Variants in CNTLN observed in about 807,000 individuals in gnomAD.
The protein encoded by CNTLN is centlein.
CNTLN carries 212 observed loss-of-function variants against 180.0 expected under a neutral mutation model. That is an observed-to-expected ratio of 1.18 (90% CI 1.05 to 1.32). The LOEUF (loss-of-function observed/expected upper bound fraction) is 1.32, where lower values mean the gene tolerates loss of function less well. CNTLN is among the 40% of genes most tolerant of loss of function. CNTLN has a pLI of 0.00. For missense variants in CNTLN, 2,095 were observed against 1,610.9 expected (o/e 1.30, Z -5.14); for synonymous variants, 722 against 563.1 (o/e 1.28, Z -3.99).
rs114571909 is a variant in CNTLN, at chr9:17,384,616, A to G, written c.1988-3546A>G. Among the ~76,000 whole-genome samples the G allele has an allele frequency of 4.3e-3, 653 of 152,248 alleles. 3 individuals are homozygous for G. Among genetic ancestry groups the G allele is most frequent in the African/African-American group, 0.014 (588 of 41,550 alleles). On this transcript the variant is annotated intron_variant, in intron 13 of 25. Coordinates refer to ENST00000380647, the MANE Select transcript of CNTLN (RefSeq NM_017738.4). ...ATGGGACTTCAGTTTTCATTGGCTTATGGTTACTTCTCGGAGGAGATGGGT... is the reference window on the plus strand; with the variant it reads ...ATGGGACTTCAGTTTTCATTGGCTTGTGGTTACTTCTCGGAGGAGATGGGT...
chr9:17,195,422 T>G (rs1215547230), intron 2 of CNTLN, among the ~76,000 whole-genome samples: 1 of 151,746 alleles, frequency 6.6e-6, no homozygotes, highest in Non-Finnish European at 1.5e-5. Context: ...AAGACTATTG[T>G]TTTTTTCCTT....
intron 8 of CNTLN, among the ~76,000 whole-genome samples, chr9:17,319,844 C>T (rs1214476774): frequency 6.6e-6 from 1 of 151,846 alleles, no homozygotes; most frequent in Non-Finnish European, 1.5e-5. Context: ...CCTATCTCAA[C>T]TTGTAATCCA....
At chr9:17,198,312 G>C (rs568771604) in intron 2 of CNTLN, among the ~76,000 whole-genome samples, 16 of 151,058 alleles carry the variant, frequency 1.1e-4, no homozygotes, top group African/African-American at 3.6e-4. Flanking sequence ...TGAATCTGTA[G>C]ATGGCTTTGG....
chr9:17,273,523 C>T (rs1828087066), intron 5 of CNTLN, among the ~76,000 whole-genome samples: 1 of 151,994 alleles, frequency 6.6e-6, no homozygotes, highest in Non-Finnish European at 1.5e-5. Context: ...TTAACTTTTA[C>T]ACCAAGAGGC....
At chr9:17,393,709 A>G (rs1429286432) in intron 14 of CNTLN, among the ~76,000 whole-genome samples, 2 of 152,214 alleles carry the variant, frequency 1.3e-5, no homozygotes, top group Non-Finnish European at 2.9e-5. Context: ...TGTACTTTAC[A>G]AACAATAACA....
At chr9:17,208,359 G>C (rs931924223) in intron 2 of CNTLN, among the ~76,000 whole-genome samples, 2 of 152,090 alleles carry the variant, frequency 1.3e-5, no homozygotes, top group African/African-American at 2.4e-5. Context: ...ATGTGTTGTT[G>C]AATTTGGTTT....
chr9:17,295,824 A>G (rs1287805538), intron 6 of CNTLN, among the ~76,000 whole-genome samples: 2 of 152,110 alleles, frequency 1.3e-5, no homozygotes, highest in South Asian at 2.1e-4. Context: ...ACATATCTAC[A>G]TAGTATAAGA....
intron 7 of CNTLN, among the ~76,000 whole-genome samples, chr9:17,306,578 A>G (rs534367440): frequency 9.8e-5 from 15 of 152,342 alleles, no homozygotes; most frequent in South Asian, 6.2e-4. Context: ...GTGACACCCA[A>G]GAGTAGGGTA....
intron 7 of CNTLN, among the ~76,000 whole-genome samples, chr9:17,304,928 G>A (rs1587592346): frequency 6.6e-6 from 1 of 151,934 alleles, no homozygotes; most frequent in Non-Finnish European, 1.5e-5. Context: ...ATTCACTTGG[G>A]TCCTGGAAAC....
rs1324118310 is a variant in CNTLN, at chr9:17,466,876, C to A, written c.3840C>A (p.Phe1280Leu). ...TAGCCAATGAAAAAGTAGAAGAGTT[C>A]ACCACATTTGTGAAGGTTTGAATTA... The part of the protein sequence containing the change: ...LLLANEKVEE[F>L]TTFVKALAKE... The change falls in exon 23 of 26, where the codon TTC (phenylalanine) becomes TTA (leucine). Residue 1280 changes from phenylalanine to leucine, a missense_variant. Transcript: ENST00000380647. The A allele has an allele frequency of 6.2e-7, 1 of 1,608,444 alleles. No homozygotes were observed. The highest frequency in any genetic ancestry group is 1.3e-5 in the African/African-American group (1 of 74,488).
At chr9:17,446,850 A>G (rs1036421846) in intron 18 of CNTLN, among the ~76,000 whole-genome samples, 1 of 152,236 alleles carries the variant, frequency 6.6e-6, no homozygotes, top group African/African-American at 2.4e-5. Flanking sequence ...AAACAGTCAA[A>G]TAAAAGTATT....
At chr9:17,362,358 G>A (rs1212783031) in intron 12 of CNTLN, among the ~76,000 whole-genome samples, 1 of 152,136 alleles carries the variant, frequency 6.6e-6, no homozygotes, top group East Asian at 1.9e-4. Context: ...GTGTGTGCAT[G>A]TGTATGTGTT....
intron 2 of CNTLN, among the ~76,000 whole-genome samples, chr9:17,225,992 T>C (rs1179566686): frequency 6.6e-6 from 1 of 152,068 alleles, no homozygotes; most frequent in Non-Finnish European, 1.5e-5. Context: ...ATGTAATTTT[T>C]ATCATATACC....
chr9:17,402,806 C>T (rs917611311), intron 15 of CNTLN, among the ~76,000 whole-genome samples: 1 of 151,762 alleles, frequency 6.6e-6, no homozygotes, highest in Non-Finnish European at 1.5e-5. Context: ...TGGACTGAAG[C>T]TACACCATTA....
chr9:17,340,822 TAC>T lies in CNTLN; in HGVS notation c.1645-3_1645-2del, dbSNP rs1253574823. 6.2e-7 allele frequency: 1 copy of T among 1,608,840 alleles called. No individual in the cohort carries two copies. The highest frequency in any genetic ancestry group is 1.7e-5 in the Admixed American group (1 of 59,338). Reference sequence around the variant, plus strand: ...TATATATACTTGCTTTTTTGTGTTCTACAGAGCCAAGAAAATGATGAGCTAAG... The same window carrying T: ...TATATATACTTGCTTTTTTGTGTTCTAGAGCCAAGAAAATGATGAGCTAAG... On this transcript the variant is annotated splice_region_variant and splice_polypyrimidine_tract_variant and intron_variant, in intron 10 of 25. Transcript: ENST00000380647.
At chr9:17,263,572 T>G (rs1035304449) in intron 5 of CNTLN, among the ~76,000 whole-genome samples, 8 of 151,350 alleles carry the variant, frequency 5.3e-5, no homozygotes, top group African/African-American at 2.0e-4. Context: ...ATGGGATGGC[T>G]GGGTCAAATG....
intron 25 of CNTLN, chr9:17,494,777 A>C (rs1013507312): frequency 9.3e-6 from 3 of 323,816 alleles, no homozygotes; most frequent in African/African-American, 6.7e-5. Flanking sequence ...CTGTGCTGCC[A>C]CCCATAGAAA....
intron 5 of CNTLN, among the ~76,000 whole-genome samples, chr9:17,268,320 G>A (rs577483948): frequency 6.6e-6 from 1 of 152,278 alleles, no homozygotes; most frequent in South Asian, 2.1e-4. Context: ...CTGTTTGCCT[G>A]GGTATCAGCA....
chr9:17,368,993 C>T (rs1447675474), intron 13 of CNTLN, among the ~76,000 whole-genome samples: 1 of 152,174 alleles, frequency 6.6e-6, no homozygotes, highest in East Asian at 1.9e-4. Flanking sequence ...CAGCAAACAT[C>T]CATAAGGATC....
Sources: gnomAD v4.1 joint callset for allele counts (sites outside exome capture counted in the v4.1 genomes callset) on GRCh38, gnomAD v4.1.1 for gene constraint, MANE v1.5 for transcripts, NCBI Gene and HGNC (gene_info 2026-07-23, HGNC 2026-07-21) for gene names.